The following GLI2 variants were observed in gnomAD, a reference collection of about 807,000 sequenced individuals.
GLI2 encodes transcription activator GLI2.
Under a neutral mutation model 78.9 loss-of-function variants are expected in GLI2, and 22 were observed. That is an observed-to-expected ratio of 0.28 (90% CI 0.20 to 0.40). The LOEUF (loss-of-function observed/expected upper bound fraction) is 0.40, where lower values mean the gene tolerates loss of function less well. Among genes scored for constraint, GLI2 ranks in the 10% least tolerant of loss-of-function variants. The pLI, the probability that GLI2 is intolerant of heterozygous loss-of-function variation, is 1.00. For synonymous variants in GLI2, 974 were observed against 963.7 expected, an observed-to-expected ratio of 1.01 and a Z score of -0.20; for missense variants, 2,097 against 2,213.2, an observed-to-expected ratio of 0.95 and a Z score of 1.05.
At chr2:120,899,073 C>G (rs1429511505) in intron 2 of GLI2, among the ~76,000 whole-genome samples, 2 of 152,178 alleles carry the variant, frequency 1.3e-5, no homozygotes, top group Admixed American at 1.3e-4. Flanking sequence ...TCTCCAAACA[C>G]TGGGTCCTTC....
At chr2:120,938,409 G>A (rs1460630466) in intron 3 of GLI2, among the ~76,000 whole-genome samples, 4 of 152,254 alleles carry the variant, frequency 2.6e-5, no homozygotes, top group African/African-American at 9.6e-5. Flanking sequence ...GGGGAAAACT[G>A]ATAAAGGGTG....
chr2:120,811,909 G>A (rs1026195455), intron 2 of GLI2, among the ~76,000 whole-genome samples: 4 of 151,766 alleles, frequency 2.6e-5, no homozygotes, highest in African/African-American at 9.7e-5. Flanking sequence ...GCCCTACTAT[G>A]CGCCGGGCAG....
At chr2:120,893,530 G>A (rs1394692998) in intron 2 of GLI2, among the ~76,000 whole-genome samples, 2 of 152,078 alleles carry the variant, frequency 1.3e-5, no homozygotes, top group African/African-American at 4.8e-5. Context: ...GGAATTGTAA[G>A]TCTTACATAG....
chr2:120,909,782 A>G (rs1211451), intron 2 of GLI2, among the ~76,000 whole-genome samples: 76,121 of 152,060 alleles, frequency 0.5, 22,598 homozygotes, highest in African/African-American at 0.84. Context: ...GGAGAATGGC[A>G]TGAACCCGGG....
At chr2:120,968,533 C>T (rs1681968717) in intron 5 of GLI2, among the ~76,000 whole-genome samples, 181 bp from the exon 6 acceptor site, 1 of 152,208 alleles carries the variant, frequency 6.6e-6, no homozygotes, top group South Asian at 2.1e-4. Context: ...GTCCATTTTA[C>T]AGATCAACAA....
chr2:120,741,578 TCATCTTTTCC>T (rs1217822221), intron 1 of GLI2, among the ~76,000 whole-genome samples: 1 of 151,748 alleles, frequency 6.6e-6, no homozygotes, highest in African/African-American at 2.4e-5. Flanking sequence ...CTGTCTTTTC[TCATCTTTTCC>T]CATCTTTCCC....
chr2:120,850,992 C>T (rs1052422216), intron 2 of GLI2, among the ~76,000 whole-genome samples: 1 of 152,136 alleles, frequency 6.6e-6, no homozygotes, highest in African/African-American at 2.4e-5. Context: ...GTGGTTGCCT[C>T]CAGGGCACAG....
chr2:120,895,177 C>T (rs74389820), intron 2 of GLI2, among the ~76,000 whole-genome samples: 3,870 of 152,314 alleles, frequency 0.025, 92 homozygotes, highest in Non-Finnish European at 0.041. Flanking sequence ...CCAGCGTTTG[C>T]AGCCAGCAAT....
chr2:120,916,797 C>T (rs1048311181), intron 2 of GLI2, among the ~76,000 whole-genome samples: 1 of 152,298 alleles, frequency 6.6e-6, no homozygotes, highest in East Asian at 1.9e-4. Context: ...AGCTGTGGAG[C>T]CAGGCTTGAT....
At chr2:120,972,583 A>G (rs1682239376) in intron 8 of GLI2, 1 of 511,386 alleles carries the variant, frequency 2.0e-6, no homozygotes, top group African/African-American at 1.9e-5. Context: ...CTGTGTGCAC[A>G]CCTGTCTCCC....
chr2:120,804,205 A>C (rs1374068663), intron 2 of GLI2, among the ~76,000 whole-genome samples: 1 of 152,152 alleles, frequency 6.6e-6, no homozygotes, highest in Non-Finnish European at 1.5e-5. Flanking sequence ...CCCTCCCACC[A>C]CCTGCCTTAC....
chr2:120,832,799 G>A (rs963462754), intron 2 of GLI2, among the ~76,000 whole-genome samples: 1 of 152,118 alleles, frequency 6.6e-6, no homozygotes, highest in African/African-American at 2.4e-5. Context: ...GTCTTCAAGA[G>A]GACGGGTGGG....
intron 1 of GLI2, among the ~76,000 whole-genome samples, chr2:120,743,372 G>A (rs1004607869): frequency 6.6e-6 from 1 of 152,174 alleles, no homozygotes; most frequent in South Asian, 2.1e-4. Context: ...GGGAGGCTGA[G>A]GTGGGAGGAT....
At chr2:120,876,609 G>A (rs1354372044) in intron 2 of GLI2, among the ~76,000 whole-genome samples, 2 of 151,976 alleles carry the variant, frequency 1.3e-5, no homozygotes, top group Non-Finnish European at 2.9e-5. Flanking sequence ...TGGAGGAGGG[G>A]GACTTTTCTT....
intron 1 of GLI2, among the ~76,000 whole-genome samples, chr2:120,793,204 T>C (rs1573383888): frequency 6.6e-6 from 1 of 152,292 alleles, no homozygotes; most frequent in East Asian, 1.9e-4. Flanking sequence ...GGGTCCCGGG[T>C]GCCCGCTCCC....
chr2:120,760,834 T>A (rs1392193360), intron 1 of GLI2, among the ~76,000 whole-genome samples: 1 of 152,190 alleles, frequency 6.6e-6, no homozygotes, highest in Non-Finnish European at 1.5e-5. Context: ...ATGCCACCCT[T>A]TAATTCCTCT....
intron 3 of GLI2, among the ~76,000 whole-genome samples, chr2:120,933,510 CTG>C (rs1216728070): frequency 3.3e-5 from 5 of 152,146 alleles, no homozygotes; most frequent in Non-Finnish European, 7.3e-5. Context: ...AGAAGGCCGG[CTG>C]TGAATAGGGC....
chr2:120,825,286 C>G lies in GLI2; in HGVS notation c.148+27818C>G, dbSNP rs138056178. Among the ~76,000 whole-genome samples the G allele has an allele frequency of 3.0e-3, 458 of 152,364 alleles. 3 individuals carry two copies. Among genetic ancestry groups the G allele is most frequent in the African/African-American group, 0.011 (438 of 41,598 alleles). On this transcript the variant is annotated intron_variant, in intron 2 of 13. Coordinates refer to ENST00000361492, the MANE Select transcript of GLI2 (RefSeq NM_001374353.1). ...TGATAAAGCCCAAGGAAGGCCTGGCCCTGTCCACCTGTGCAGCCACTCACT... is the reference window on the plus strand; with the variant it reads ...TGATAAAGCCCAAGGAAGGCCTGGCGCTGTCCACCTGTGCAGCCACTCACT...
chr2:120,756,535 C>T (rs1683038769), intron 1 of GLI2, among the ~76,000 whole-genome samples: 1 of 152,112 alleles, frequency 6.6e-6, no homozygotes, highest in East Asian at 1.9e-4. Context: ...CTAGAACCTG[C>T]AGTACAATGT....
Sources: allele counts gnomAD v4.1 joint callset (sites outside exome capture counted in the v4.1 genomes callset), GRCh38; gene constraint gnomAD v4.1.1; transcripts MANE v1.5; gene names NCBI Gene and HGNC (gene_info 2026-07-23, HGNC 2026-07-21).